The following ABCC3 variants were observed in gnomAD, a reference collection of about 807,000 sequenced individuals.
ABCC3 encodes ATP-binding cassette sub-family C member 3.
In ABCC3, 121 loss-of-function variants were observed where a neutral mutation model predicts 165.3. The observed-to-expected ratio is 0.73, with a 90% CI of 0.63 to 0.85. The LOEUF is 0.85. ABCC3 is among the 40% of genes least tolerant of loss of function. The pLI is 0.00. For synonymous variants in ABCC3, 733 were observed against 810.1 expected, an observed-to-expected ratio of 0.90 and a Z score of 1.62; for missense variants, 1,869 against 1,964.1, an observed-to-expected ratio of 0.95 and a Z score of 0.92.
rs1224975044 is a variant in ABCC3, at chr17:50,663,682, A to G, written c.1000A>G (p.Ile334Val). 10 of 1,614,098 alleles carry G rather than the reference A, an allele frequency of 6.2e-6. No individual in the cohort carries two copies. Among genetic ancestry groups the G allele is most frequent in the Non-Finnish European group, 8.5e-6 (10 of 1,179,998 alleles). The change falls in exon 9 of 31, where the codon ATC (isoleucine) becomes GTC (valine). Residue 334 changes from isoleucine to valine, a missense_variant and splice_region_variant. Coordinates refer to ENST00000285238, the MANE Select transcript of ABCC3 (RefSeq NM_003786.4). Reference protein sequence around the residue: ...LSFINPQLLSILIRFISNPMA... With the variant: ...LSFINPQLLSVLIRFISNPMA... Reference sequence around the variant, plus strand: ...CTCACTCCTCTCTCCTCCCCACAGCATCCTGATCAGGTTTATCTCCAACCC... The same window carrying G: ...CTCACTCCTCTCTCCTCCCCACAGCGTCCTGATCAGGTTTATCTCCAACCC...
intron 23 of ABCC3, among the ~76,000 whole-genome samples, chr17:50,677,102 G>A (rs1967836684): frequency 6.6e-6 from 1 of 152,176 alleles, no homozygotes; most frequent in African/African-American, 2.4e-5. Flanking sequence ...GGCTGCTCTT[G>A]AACTCCTGAC....
rs905950949 is a variant in ABCC3, at chr17:50,677,377, C to G, written c.3379-367C>G. Among the ~76,000 whole-genome samples, 9 of 152,124 alleles carry G rather than the reference C, an allele frequency of 5.9e-5. No individual in the cohort carries two copies. The East Asian group carries it at 1.3e-3, about 23-fold the overall frequency. On this transcript the variant is annotated intron_variant, in intron 23 of 30. Coordinates refer to ENST00000285238, the MANE Select transcript of ABCC3 (RefSeq NM_003786.4). ...GTTCTGTAATGAATTAGTCAGTTCC[C>G]GGGGATAGATGCTCAACACCTGGGT...
rs776132587 is a variant in ABCC3 at position 50,656,789 on chromosome 17, G to C, written c.310G>C (p.Val104Leu). Residue 104 changes from valine (V) to leucine (L), a missense_variant, in exon 3 of 31, where the codon GTT becomes CTT. Physicochemically the swap from Val to Leu is conservative, Grantham distance 32. Coordinates refer to ENST00000285238, the MANE Select transcript of ABCC3 (RefSeq NM_003786.4). ...GLVHGRAPAPVFFVTPLVVGV... is the reference protein window; with the variant it reads ...GLVHGRAPAPLFFVTPLVVGV... ...GGTCCATGGCCGGGCCCCTGCCCCT[G>C]TTTTCTTTGTCACCCCCTTGGTGGT... The C allele has an allele frequency of 5.0e-6, 8 of 1,613,656 alleles. No individual in the cohort carries two copies. The highest frequency in any genetic ancestry group is 6.8e-6 in the Non-Finnish European group (8 of 1,179,864).
At chr17:50,669,289 G>T in intron 16 of ABCC3, 23 bp downstream of exon 16, 2 of 1,614,056 alleles carry the variant, frequency 1.2e-6, no homozygotes, top group South Asian at 2.2e-5. Context: ...GGGGCTCCTG[G>T]GCAGGGTGTG....
In ABCC3 at chr17:50,676,422, G is replaced by T; in HGVS notation, c.3212G>T (p.Cys1071Phe). 6.2e-7 allele frequency: 1 copy of T among 1,614,200 alleles called. No individual in the cohort carries two copies. Among genetic ancestry groups the T allele is most frequent in the South Asian group, 1.1e-5 (1 of 91,090 alleles). ...DTTPSGRILN[C>F]FSKDIYVVDE... ...ACACCATCAGGCCGCATCCTGAACTGCTTCTCCAAGGACATCTATGTCGTT... is the reference window on the plus strand; with the variant it reads ...ACACCATCAGGCCGCATCCTGAACTTCTTCTCCAAGGACATCTATGTCGTT... The change falls in exon 23 of 31, where the codon TGC (cysteine) becomes TTC (phenylalanine). Residue 1071 changes from cysteine (C) to phenylalanine (F), a missense_variant. Cys to Phe is a radical substitution (Grantham distance 205). Coordinates refer to ENST00000285238, the MANE Select transcript of ABCC3 (RefSeq NM_003786.4).
chr17:50,639,943 T>C (rs1362111821), intron 1 of ABCC3, among the ~76,000 whole-genome samples: 1 of 152,100 alleles, frequency 6.6e-6, no homozygotes, highest in African/African-American at 2.4e-5. Context: ...TTTGTATTTT[T>C]AGTAGAGACG....
intron 27 of ABCC3, 38 bp from the exon 28 acceptor site, chr17:50,683,911 C>A: frequency 6.2e-7 from 1 of 1,603,352 alleles, no homozygotes; most frequent in South Asian, 1.1e-5. Context: ...TTTGACCTCT[C>A]AGCTTCCCCC....
At chr17:50,677,667 T>C in intron 23 of ABCC3, 77 bp from the exon 24 acceptor site, 1 of 1,402,024 alleles carries the variant, frequency 7.1e-7, no homozygotes, top group Non-Finnish European at 9.9e-7. Context: ...CATCTGAAAA[T>C]GGATGAGTTC....
At position 50,667,538 on chromosome 17, in the gene ABCC3, C is replaced by A; in HGVS notation, c.1432-16C>A. 1 of 1,598,792 alleles carries A rather than the reference C, an allele frequency of 6.3e-7. No individual in the cohort carries two copies. Among genetic ancestry groups the A allele is most frequent in the South Asian group, 1.1e-5 (1 of 89,700 alleles). On this transcript the variant is annotated splice_polypyrimidine_tract_variant and intron_variant, in intron 11 of 30. Transcript: ENST00000285238. ...AGGGAGCAGGTGTGCCACTGACACTCTTTCTGCCTGCACAGGTAAAGCAAA... is the reference window on the plus strand; with the variant it reads ...AGGGAGCAGGTGTGCCACTGACACTATTTCTGCCTGCACAGGTAAAGCAAA...
At chr17:50,671,878 C>T (rs2146625712) in intron 17 of ABCC3, among the ~76,000 whole-genome samples, 3 of 151,976 alleles carry the variant, frequency 2.0e-5, no homozygotes, top group Admixed American at 2.0e-4. Flanking sequence ...CACGCAACTA[C>T]AGCCCGACTA....
At chr17:50,685,209 G>A (rs1452531608) in intron 29 of ABCC3, among the ~76,000 whole-genome samples, 1 of 152,138 alleles carries the variant, frequency 6.6e-6, no homozygotes, top group Non-Finnish European at 1.5e-5. Flanking sequence ...CTTTGAGGAA[G>A]CCCTCTCCCC....
At position 50,655,971 on chromosome 17, in the gene ABCC3, G is replaced by C; in HGVS notation, c.185G>C (p.Gly62Ala). The part of the protein sequence containing the change: ...YLLYLRHHCR[G>A]YIILSHLSKL... Reference sequence around the variant, plus strand: ...CTCTACCTGCGGCACCATTGTCGTGGCTACATCATCCTCTCCCACCTGTCC... The same window carrying C: ...CTCTACCTGCGGCACCATTGTCGTGCCTACATCATCCTCTCCCACCTGTCC... The change falls in exon 2 of 31, where the codon GGC becomes GCC. Residue 62 changes from glycine (G) to alanine (A), a missense_variant. By Grantham distance (60) the Gly-to-Ala change is moderately conservative. Coordinates refer to ENST00000285238, the MANE Select transcript of ABCC3 (RefSeq NM_003786.4). 6.2e-7 allele frequency: 1 copy of C among 1,614,104 alleles called. No individual in the cohort carries two copies. Among genetic ancestry groups the C allele is most frequent in the Non-Finnish European group, 8.5e-7 (1 of 1,180,018 alleles).
intron 1 of ABCC3, among the ~76,000 whole-genome samples, chr17:50,646,874 C>T (rs768705099): frequency 6.6e-6 from 1 of 152,114 alleles, no homozygotes; most frequent in Non-Finnish European, 1.5e-5. Context: ...AGTGTGACTT[C>T]TTCTTTTTAT....
intron 1 of ABCC3, chr17:50,635,302 C>T (rs1229559517): frequency 9.6e-6 from 6 of 626,418 alleles, no homozygotes; most frequent in African/African-American, 1.8e-5. Flanking sequence ...TCCATCCCAG[C>T]CCCTCCGTCG....
At chr17:50,647,932 G>A (rs191313980) in intron 1 of ABCC3, among the ~76,000 whole-genome samples, 5 of 152,186 alleles carry the variant, frequency 3.3e-5, no homozygotes, top group East Asian at 1.9e-4. Flanking sequence ...CCAGCTACTC[G>A]GGAGGCTGAG....
chr17:50,655,110 A>G (rs1268441393), intron 1 of ABCC3, among the ~76,000 whole-genome samples: 2 of 72,886 alleles, frequency 2.7e-5, no homozygotes, highest in Non-Finnish European at 5.2e-5. Context: ...AAAAAAAAAA[A>G]AAAAAAAAAG....
intron 1 of ABCC3, among the ~76,000 whole-genome samples, chr17:50,647,343 G>C (rs1450471989): frequency 6.6e-6 from 1 of 152,254 alleles, no homozygotes; most frequent in African/African-American, 2.4e-5. Context: ...GCCCTTGGCA[G>C]AGGCAGGCAA....
At position 50,669,207 on chromosome 17, in the gene ABCC3, T is replaced by A; in HGVS notation, c.2005T>A (p.Ser669Thr). 6.2e-7 allele frequency: 1 copy of A among 1,612,084 alleles called. No individual in the cohort carries two copies. The highest frequency in any genetic ancestry group is 8.5e-7 in the Non-Finnish European group (1 of 1,179,410). The part of the protein sequence containing the change: ...VVGPVGCGKS[S>T]LVSALLGEME... ...GGGGCCTGTGGGCTGTGGGAAGTCCTCCCTGGTGTCTGCCCTGCTGGGAGA... is the reference window on the plus strand; with the variant it reads ...GGGGCCTGTGGGCTGTGGGAAGTCCACCCTGGTGTCTGCCCTGCTGGGAGA... The change falls in exon 16 of 31, where the codon TCC becomes ACC. Residue 669 changes from serine to threonine, a missense_variant. By Grantham distance (58) the Ser-to-Thr change is moderately conservative. Coordinates refer to ENST00000285238, the MANE Select transcript of ABCC3 (RefSeq NM_003786.4).
At position 50,634,930 on chromosome 17, in the gene ABCC3, C is replaced by T; in HGVS notation, c.-7C>T. The T allele has an allele frequency of 3.2e-6, 4 of 1,256,374 alleles. No homozygotes were observed. Among genetic ancestry groups the T allele is most frequent in the Non-Finnish European group, 3.0e-6 (3 of 998,884 alleles). 77.8% of individuals were successfully genotyped at this position (1,256,374 alleles called of 1,614,324 possible). On this transcript the variant is annotated 5_prime_UTR_variant, in exon 1 of 31. Transcript: ENST00000285238. ...GCTCGCCTTCCTTGCAGCCGCGCCT[C>T]GGCCCCATGGACGCCCTGTGCGGTT... is the stretch of plus-strand genomic sequence containing the variant.
Sources: allele counts gnomAD v4.1 joint callset (sites outside exome capture counted in the v4.1 genomes callset), GRCh38; gene constraint gnomAD v4.1.1; transcripts MANE v1.5; gene names NCBI Gene and HGNC (gene_info 2026-07-23, HGNC 2026-07-21).